The following SLIT2 variants were observed in gnomAD, a reference collection of about 807,000 sequenced individuals.
The protein encoded by SLIT2 is slit guidance ligand 2, also known as slit homolog 2 protein.
Under a neutral mutation model 185.7 loss-of-function variants are expected in SLIT2, and 41 were observed. That is an observed-to-expected ratio of 0.22 (90% CI 0.17 to 0.29). The LOEUF is 0.29. Among genes scored for constraint, SLIT2 ranks in the 10% least tolerant of loss-of-function variants. The pLI, the probability that SLIT2 is intolerant of heterozygous loss-of-function variation, is 1.00. For missense variants in SLIT2, 1,571 were observed against 1,909.0 expected (o/e 0.82, Z 3.30); for synonymous variants, 693 against 680.2 (o/e 1.02, Z -0.29).
At chr4:20,492,707 T>C (rs1410105843) in intron 9 of SLIT2, among the ~76,000 whole-genome samples, 1 of 152,202 alleles carries the variant, frequency 6.6e-6, no homozygotes, top group Non-Finnish European at 1.5e-5. Flanking sequence ...TAAATTATCT[T>C]GGATTTTTGG....
Position 20,510,533 on chromosome 4 carries a change from G to A in SLIT2, c.953G>A (p.Gly318Glu), listed in dbSNP as rs762467741. The stretch of plus-strand genomic sequence containing the variant: ...AACACAATCAAAGTCATCCCTCCTG[G>A]AGCTTTCTCACCATATAAAAAGCTT... ...EQNTIKVIPPGAFSPYKKLRR... is the reference protein window; with the variant it reads ...EQNTIKVIPPEAFSPYKKLRR... The change falls in exon 10 of 37, where the codon GGA (glycine) becomes GAA (glutamate). Residue 318 changes from glycine to glutamate, a missense_variant. By Grantham distance (98) the Gly-to-Glu change is moderately conservative. Around this residue, in one of 3 missense-constraint regions of SLIT2, gnomAD observed 1,202 missense variants for 1,416.4 expected, o/e 0.85. Transcript: ENST00000504154. The A allele has an allele frequency of 8.7e-6, 14 of 1,610,916 alleles. No homozygotes were observed. The South Asian group carries it at 1.4e-4, about 16-fold the overall frequency.
intron 33 of SLIT2, among the ~76,000 whole-genome samples, chr4:20,603,134 G>A (rs1178205624): frequency 6.6e-6 from 1 of 152,172 alleles, no homozygotes; most frequent in Non-Finnish European, 1.5e-5. Context: ...GGCTAGGGAG[G>A]CCTCACAATC....
At chr4:20,352,472 G>A (rs1398196987) in intron 4 of SLIT2, among the ~76,000 whole-genome samples, 1 of 152,066 alleles carries the variant, frequency 6.6e-6, no homozygotes, top group Admixed American at 6.6e-5. Flanking sequence ...AATCACTAAG[G>A]CTAGATTTAT....
chr4:20,605,327 A>G (rs1253201921), intron 33 of SLIT2, among the ~76,000 whole-genome samples: 1 of 152,208 alleles, frequency 6.6e-6, no homozygotes, highest in Non-Finnish European at 1.5e-5. Flanking sequence ...TCTGTAGCAG[A>G]CCACAAACAG....
intron 26 of SLIT2, among the ~76,000 whole-genome samples, chr4:20,559,386 T>C (rs1724514563): frequency 6.6e-6 from 1 of 151,942 alleles, no homozygotes; most frequent in African/African-American, 2.4e-5. Context: ...TTTACTCAGT[T>C]TTTCTGTAAC....
At position 20,618,898 on chromosome 4, in the gene SLIT2, A is replaced by ACCG; in HGVS notation, c.4481_4483dup (p.Pro1494dup). The ACCG allele has an allele frequency of 1.2e-6, 2 of 1,614,090 alleles. No individual in the cohort carries two copies. Among genetic ancestry groups the ACCG allele is most frequent in the Non-Finnish European group, 1.7e-6 (2 of 1,180,012 alleles). On this transcript the variant is annotated inframe_insertion, in exon 37 of 37. Transcript: ENST00000504154. The stretch of plus-strand genomic sequence containing the variant: ...GGTGTGCAGGAGGGCAGTGCTGTGG[A>ACCG]CCGCTGAGGAGCAAGCGGCGGAAAT...
chr4:20,346,679 G>C (rs192076127), intron 4 of SLIT2, among the ~76,000 whole-genome samples: 9 of 152,298 alleles, frequency 5.9e-5, no homozygotes, highest in African/African-American at 2.2e-4. Flanking sequence ...ATCAGTCCAA[G>C]TCCCAAAACC....
intron 4 of SLIT2, among the ~76,000 whole-genome samples, chr4:20,269,962 G>C (rs1308232315): frequency 1.3e-5 from 2 of 151,832 alleles, no homozygotes; most frequent in Non-Finnish European, 2.9e-5. Context: ...GATCTCTCCA[G>C]AGTCTTTCCT....
intron 3 of SLIT2, among the ~76,000 whole-genome samples, chr4:20,259,970 G>A (rs1420821192): frequency 2.0e-5 from 3 of 151,644 alleles, no homozygotes; most frequent in South Asian, 2.1e-4. Flanking sequence ...CTTGGACTCT[G>A]GAATTCAAAA....
intron 4 of SLIT2, chr4:20,394,787 A>G (rs1028300958): frequency 5.3e-5 from 8 of 152,134 alleles, no homozygotes; most frequent in Admixed American, 1.3e-4. Flanking sequence ...AGACATTTGT[A>G]TACTCATTAT....
chr4:20,364,256 G>A lies in SLIT2; in HGVS notation c.395+95375G>A, dbSNP rs887512038. 8 of 984,790 alleles carry A rather than the reference G, an allele frequency of 8.1e-6. No individual in the cohort carries two copies. The African/African-American group carries it at 1.4e-4, about 17-fold the overall frequency. The allele number at this position is 984,790 out of a possible 1,614,324, so 61.0% of individuals were successfully genotyped here. ...AATGCATCCACAAAGACAGCTTTCT[G>A]CATCCTTTCTGCCTGCACATATGAA... On this transcript the variant is annotated intron_variant, in intron 4 of 36. Coordinates refer to ENST00000504154, the MANE Select transcript of SLIT2 (RefSeq NM_004787.4).
intron 4 of SLIT2, among the ~76,000 whole-genome samples, chr4:20,463,135 A>G (rs1330409177): frequency 2.6e-5 from 4 of 152,088 alleles, no homozygotes; most frequent in Admixed American, 2.6e-4. Flanking sequence ...AATAAATGGT[A>G]GAACTAGAAT....
At chr4:20,605,921 T>C (rs1442710323) in intron 33 of SLIT2, among the ~76,000 whole-genome samples, 2 of 151,518 alleles carry the variant, frequency 1.3e-5, no homozygotes, top group African/African-American at 4.8e-5. Flanking sequence ...TGATTTTGTT[T>C]GTATTTTAGT....
At chr4:20,312,053 T>C (rs1191005670) in intron 4 of SLIT2, among the ~76,000 whole-genome samples, 1 of 152,250 alleles carries the variant, frequency 6.6e-6, no homozygotes, top group East Asian at 1.9e-4. Context: ...GAATTTAGTC[T>C]TGTTTTTTAT....
intron 4 of SLIT2, among the ~76,000 whole-genome samples, chr4:20,437,352 C>T (rs530253691): frequency 5.0e-4 from 76 of 152,172 alleles, no homozygotes; most frequent in Non-Finnish European, 7.1e-4. Flanking sequence ...CAGTGGCTCA[C>T]ACCTGTATTC....
chr4:20,521,912 C>A (rs1720876163), intron 12 of SLIT2, among the ~76,000 whole-genome samples: 1 of 152,020 alleles, frequency 6.6e-6, no homozygotes, highest in South Asian at 2.1e-4. Flanking sequence ...ATACCCAAAC[C>A]ACATTACACA....
At chr4:20,497,841 G>A (rs1246481599) in intron 9 of SLIT2, among the ~76,000 whole-genome samples, 1 of 152,058 alleles carries the variant, frequency 6.6e-6, no homozygotes, top group South Asian at 2.1e-4. Context: ...ACAATCTAGA[G>A]AGCTTGCAGG....
At chr4:20,362,613 T>C (rs1470083332) in intron 4 of SLIT2, among the ~76,000 whole-genome samples, 2 of 151,760 alleles carry the variant, frequency 1.3e-5, no homozygotes, top group African/African-American at 4.8e-5. Context: ...TCTGTGCTGT[T>C]TTACTTTTTT....
At chr4:20,576,188 C>T (rs960530247) in intron 29 of SLIT2, among the ~76,000 whole-genome samples, 4 of 152,090 alleles carry the variant, frequency 2.6e-5, no homozygotes, top group Non-Finnish European at 5.9e-5. Flanking sequence ...ATATTTGATG[C>T]CATTCCTCAT....
Sources: allele counts gnomAD v4.1 joint callset (sites outside exome capture counted in the v4.1 genomes callset), GRCh38; gene constraint gnomAD v4.1.1; regional missense constraint gnomAD v4.1.1; transcripts MANE v1.5; gene names NCBI Gene and HGNC (gene_info 2026-07-23, HGNC 2026-07-21).